NRXN3: variants seen among roughly 807,000 people sequenced by gnomAD.
The protein encoded by NRXN3 is neurexin 3.
NRXN3 carries 32 observed loss-of-function variants against 137.6 expected under a neutral mutation model. The observed-to-expected ratio is 0.23, with a 90% confidence interval of 0.18 to 0.31. NRXN3 has a LOEUF of 0.31. Among genes scored for constraint, NRXN3 ranks in the 10% least tolerant of loss-of-function variants. The probability of loss-of-function intolerance (pLI) is 1.00; values close to 1 mark genes in which losing one functional copy is unlikely to be tolerated. For missense variants in NRXN3, 1,574 were observed against 2,062.5 expected (o/e 0.76, Z 4.59); for synonymous variants, 798 against 784.5 (o/e 1.02, Z -0.29).
chr14:79,154,611 C>T (rs376553551), intron 15 of NRXN3, among the ~76,000 whole-genome samples: 94 of 151,900 alleles, frequency 6.2e-4, no homozygotes, highest in African/African-American at 2.3e-3. Context: ...TGTGGCTTGG[C>T]CTTTCTGGGC....
At chr14:79,591,270 T>C (rs1309705636) in intron 16 of NRXN3, among the ~76,000 whole-genome samples, 2 of 152,256 alleles carry the variant, frequency 1.3e-5, no homozygotes, top group Non-Finnish European at 2.9e-5. Context: ...TTTTCTTTTT[T>C]GTTGACAGTC....
intron 2 of NRXN3, among the ~76,000 whole-genome samples, chr14:78,261,525 C>A (rs1217854517): frequency 6.6e-6 from 1 of 152,162 alleles, no homozygotes; most frequent in African/African-American, 2.4e-5. Flanking sequence ...CTGTTGTCCA[C>A]CACTATCCAA....
intron 15 of NRXN3, among the ~76,000 whole-genome samples, chr14:79,357,698 GA>G: frequency 6.6e-6 from 1 of 152,056 alleles, no homozygotes; most frequent in Admixed American, 6.6e-5. Flanking sequence ...CAGGATTTAA[GA>G]AAAATAAAAT....
chr14:79,674,117 G>A (rs2098628099), intron 17 of NRXN3, among the ~76,000 whole-genome samples: 1 of 152,024 alleles, frequency 6.6e-6, no homozygotes, highest in Non-Finnish European at 1.5e-5. Context: ...GGCGAGCATG[G>A]AATACAATTT....
intron 15 of NRXN3, among the ~76,000 whole-genome samples, chr14:79,051,885 T>C (rs1187910721): frequency 6.6e-6 from 1 of 152,118 alleles, no homozygotes; most frequent in Non-Finnish European, 1.5e-5. Context: ...CTTTTCCATC[T>C]CCCCTGGCTA....
intron 4 of NRXN3, among the ~76,000 whole-genome samples, chr14:78,377,916 C>A (rs2153627421): frequency 6.6e-6 from 1 of 152,330 alleles, no homozygotes; most frequent in Non-Finnish European, 1.5e-5. Flanking sequence ...CCACTACCAA[C>A]TAATAGGAAC....
At chr14:79,768,377 G>A (rs2099063831) in intron 19 of NRXN3, among the ~76,000 whole-genome samples, 1 of 152,210 alleles carries the variant, frequency 6.6e-6, no homozygotes, top group Non-Finnish European at 1.5e-5. Context: ...ATCCCTGTCT[G>A]ACAGCTTTGA....
At chr14:79,554,137 T>C (rs1326286108) in intron 16 of NRXN3, among the ~76,000 whole-genome samples, 1 of 151,926 alleles carries the variant, frequency 6.6e-6, no homozygotes, top group Admixed American at 6.6e-5. Context: ...GTTGGGGAAA[T>C]AATTCAAAAA....
At chr14:78,579,033 C>G (rs1389939007) in intron 4 of NRXN3, among the ~76,000 whole-genome samples, 1 of 152,060 alleles carries the variant, frequency 6.6e-6, no homozygotes, top group Non-Finnish European at 1.5e-5. Context: ...AGAATTCAGA[C>G]AGAGACTTTC....
At chr14:78,485,235 T>A (rs1176172952) in intron 4 of NRXN3, among the ~76,000 whole-genome samples, 1 of 152,058 alleles carries the variant, frequency 6.6e-6, no homozygotes, top group Admixed American at 6.6e-5. Flanking sequence ...CAATTGTGTG[T>A]CCCCCGGTTG....
intron 15 of NRXN3, among the ~76,000 whole-genome samples, chr14:79,296,209 T>A (rs1215026036): frequency 6.6e-6 from 1 of 152,094 alleles, no homozygotes; most frequent in African/African-American, 2.4e-5. Context: ...TTAATGGCAC[T>A]CATTAATGAA....
intron 1 of NRXN3, among the ~76,000 whole-genome samples, chr14:78,186,884 C>CA (rs1167768913): frequency 1.3e-5 from 2 of 151,934 alleles, no homozygotes; most frequent in Non-Finnish European, 2.9e-5. Context: ...GGGATGCTGG[C>CA]AAAAAAGCTT....
intron 15 of NRXN3, among the ~76,000 whole-genome samples, chr14:79,223,377 C>T (rs1568665821): frequency 6.6e-6 from 1 of 152,142 alleles, no homozygotes; most frequent in Non-Finnish European, 1.5e-5. Flanking sequence ...TGTTGAAGTA[C>T]AGGTTCCTGC....
intron 4 of NRXN3, among the ~76,000 whole-genome samples, chr14:78,436,133 G>A (rs1240417594): frequency 6.6e-6 from 1 of 152,152 alleles, no homozygotes; most frequent in Non-Finnish European, 1.5e-5. Context: ...GGTTTTAGAG[G>A]CAGTGTAGGA....
At chr14:79,808,157 A>T (rs1334239065) in intron 20 of NRXN3, among the ~76,000 whole-genome samples, 1 of 151,338 alleles carries the variant, frequency 6.6e-6, no homozygotes, top group East Asian at 1.9e-4. Flanking sequence ...GAAGTGCTTG[A>T]ACCCGGGAGG....
intron 4 of NRXN3, among the ~76,000 whole-genome samples, chr14:78,578,085 G>T (rs1034608050): frequency 9.9e-5 from 15 of 152,214 alleles, no homozygotes; most frequent in African/African-American, 3.1e-4. Context: ...ATATCTGTAT[G>T]CATAAATTAC....
chr14:79,827,202 A>G (rs1249147044), intron 20 of NRXN3, among the ~76,000 whole-genome samples: 1 of 152,166 alleles, frequency 6.6e-6, no homozygotes, highest in African/African-American at 2.4e-5. Flanking sequence ...AAGCAAAGGC[A>G]CTTGGTGCCA....
At chr14:78,629,691 G>T (rs752403082) in intron 4 of NRXN3, among the ~76,000 whole-genome samples, 1 of 152,222 alleles carries the variant, frequency 6.6e-6, no homozygotes, top group African/African-American at 2.4e-5. Context: ...AGCAAAAGCA[G>T]TTTATTCATG....
intron 1 of NRXN3, chr14:78,231,388 G>C (rs1307843968): frequency 6.6e-6 from 1 of 152,278 alleles, no homozygotes; most frequent in Non-Finnish European, 1.5e-5. Flanking sequence ...GCTATGAATG[G>C]CACTACTCAT....
Sources: allele counts gnomAD v4.1 joint callset (sites outside exome capture counted in the v4.1 genomes callset), GRCh38; gene constraint gnomAD v4.1.1; transcripts MANE v1.5; gene names NCBI Gene and HGNC (gene_info 2026-07-23, HGNC 2026-07-21).